CCDC13: variants seen among roughly 807,000 people sequenced by gnomAD.
CCDC13 encodes coiled-coil domain-containing protein 13.
Under a neutral mutation model 87.3 loss-of-function variants are expected in CCDC13, and 70 were observed. That is an observed-to-expected ratio of 0.80 (90% CI 0.66 to 0.98). CCDC13 has a LOEUF of 0.98. Among genes scored for constraint, CCDC13 ranks in the 50% least tolerant of loss-of-function variants. CCDC13 has a pLI of 0.00. For missense variants in CCDC13, 842 were observed against 892.0 expected (o/e 0.94, Z 0.71); for synonymous variants, 317 against 360.3 (o/e 0.88, Z 1.36).
chr3:42,710,402 G>C (rs1698282600), intron 14 of CCDC13, among the ~76,000 whole-genome samples: 1 of 152,162 alleles, frequency 6.6e-6, no homozygotes, highest in Admixed American at 6.5e-5. Flanking sequence ...CTGAGCCTGA[G>C]GTCTGGCCTG....
intron 1 of CCDC13, among the ~76,000 whole-genome samples, chr3:42,768,292 C>T (rs1343464271): frequency 2.6e-5 from 4 of 152,086 alleles, no homozygotes; most frequent in African/African-American, 9.7e-5. Context: ...TTGGGTTTGG[C>T]TATGAGTTTT....
intron 13 of CCDC13, among the ~76,000 whole-genome samples, chr3:42,716,874 T>G (rs1243117605): frequency 2.0e-5 from 3 of 152,228 alleles, no homozygotes; most frequent in African/African-American, 7.2e-5. Context: ...TACAGCAATG[T>G]TCTTGTAGCA....
chr3:42,754,282 A>G (rs1361194707), intron 3 of CCDC13, among the ~76,000 whole-genome samples: 4 of 152,158 alleles, frequency 2.6e-5, no homozygotes, highest in African/African-American at 9.7e-5. Context: ...AACTAGGAGT[A>G]GCTGCCCTTG....
At chr3:42,727,406 TA>T (rs1323527479) in intron 13 of CCDC13, among the ~76,000 whole-genome samples, 1 of 151,570 alleles carries the variant, frequency 6.6e-6, no homozygotes, top group Non-Finnish European at 1.5e-5. Context: ...AATAAATAAA[TA>T]AAATAAAAAT....
intron 1 of CCDC13, among the ~76,000 whole-genome samples, chr3:42,767,975 A>G (rs996392589): frequency 1.3e-4 from 18 of 141,594 alleles, no homozygotes; most frequent in African/African-American, 4.8e-4. Context: ...ACTCCATCTC[A>G]AAAAAAAAAA....
At chr3:42,760,118 C>T (rs2125911106) in intron 1 of CCDC13, among the ~76,000 whole-genome samples, 1 of 151,940 alleles carries the variant, frequency 6.6e-6, no homozygotes, top group Non-Finnish European at 1.5e-5. Flanking sequence ...ATGATGAAAC[C>T]CCATCTCTAC....
At chr3:42,761,051 A>G (rs1208706763) in intron 1 of CCDC13, among the ~76,000 whole-genome samples, 9 of 152,330 alleles carry the variant, frequency 5.9e-5, no homozygotes, top group East Asian at 5.8e-4. Context: ...TGAACTTCAC[A>G]TAAATGAAAT....
rs1002338420 is a variant in CCDC13 at position 42,708,886 on chromosome 3, T to G, written c.*94A>C. 1.2e-5 allele frequency: 16 copies of G among 1,360,772 alleles called. No homozygotes were observed. The African/African-American group carries it at 2.4e-4, about 20-fold the overall frequency. The allele number at this position is 1,360,772 out of a possible 1,614,324, so 84.3% of individuals were successfully genotyped here. A position where few individuals can be genotyped will look rare whatever the true frequency, so the allele number is the denominator to read the frequency against. ...AGTGGTTGAGCTGGCTGCCCTGGGC[T>G]GGCTTCCCGGAGCAGATGGAGTCCT... On this transcript the variant is annotated 3_prime_UTR_variant, in exon 16 of 16. Transcript: ENST00000310232.
chr3:42,739,970 C>T (rs1235314064), intron 8 of CCDC13, among the ~76,000 whole-genome samples, 160 bp from the exon 9 acceptor site: 1 of 152,108 alleles, frequency 6.6e-6, no homozygotes, highest in Non-Finnish European at 1.5e-5. Context: ...TGACTCCCAG[C>T]CCAGGCCTCT....
intron 12 of CCDC13, among the ~76,000 whole-genome samples, chr3:42,731,203 C>T (rs192836920): frequency 4.6e-5 from 7 of 152,118 alleles, no homozygotes; most frequent in South Asian, 2.1e-4. Flanking sequence ...AGCTGCTCTC[C>T]GCTGTGCCCC....
Position 42,709,745 on chromosome 3 carries a change from G to T in CCDC13, c.1927C>A (p.Pro643Thr). ...ACATCGGAGAGCTGGGCAAAGGATGGGTCCTTCTTCTCGCTCCCGGTTGGG... is the reference window on the plus strand; with the variant it reads ...ACATCGGAGAGCTGGGCAAAGGATGTGTCCTTCTTCTCGCTCCCGGTTGGG... ...HNPTGSEKKD[P>T]SFAQLSDVPV... The change falls in exon 15 of 16, where the codon CCA becomes ACA. Residue 643 changes from proline (P) to threonine (T), a missense_variant. Pro to Thr is a conservative substitution (Grantham distance 38). Transcript: ENST00000310232. 6.2e-7 allele frequency: 1 copy of T among 1,614,154 alleles called. No individual in the cohort carries two copies. Among genetic ancestry groups the T allele is most frequent in the East Asian group, 2.2e-5 (1 of 44,870 alleles).
downstream of CCDC13, among the ~76,000 whole-genome samples, chr3:42,705,530 G>A (rs1698157775): frequency 6.6e-6 from 1 of 152,164 alleles, no homozygotes; most frequent in Non-Finnish European, 1.5e-5. Flanking sequence ...GGCAGGGAGA[G>A]CCCTCACTTG....
intron 5 of CCDC13, among the ~76,000 whole-genome samples, chr3:42,748,653 A>G (rs1048604474): frequency 3.3e-5 from 5 of 152,220 alleles, no homozygotes; most frequent in Non-Finnish European, 5.9e-5. Context: ...CAAAGAAACT[A>G]GACATGAACA....
At chr3:42,741,357 C>T (rs1366873914) in intron 8 of CCDC13, among the ~76,000 whole-genome samples, 2 of 152,150 alleles carry the variant, frequency 1.3e-5, no homozygotes, top group Non-Finnish European at 2.9e-5. Context: ...TTCTGCCTTC[C>T]ATTCCTCTTC....
chr3:42,733,264 C>G lies in CCDC13; in HGVS notation c.1511+206G>C, dbSNP rs145478298. Among the ~76,000 whole-genome samples, 744 of 152,354 alleles carry G rather than the reference C, an allele frequency of 4.9e-3. 7 individuals carry two copies. The highest frequency in any genetic ancestry group is 0.017 in the African/African-American group (716 of 41,580). ...TACAGAGAGCTGCAACCAGCATGCTCTTGAAGTGATAAAATCTGGGCCTAA... is the reference window on the plus strand; with the variant it reads ...TACAGAGAGCTGCAACCAGCATGCTGTTGAAGTGATAAAATCTGGGCCTAA... On this transcript the variant is annotated intron_variant, in intron 11 of 15. Coordinates refer to ENST00000310232, the MANE Select transcript of CCDC13 (RefSeq NM_144719.4).
intron 1 of CCDC13, among the ~76,000 whole-genome samples, chr3:42,761,837 C>G (rs1699838708): frequency 6.6e-6 from 1 of 152,246 alleles, no homozygotes; most frequent in African/African-American, 2.4e-5. Context: ...ACCTCCTTCT[C>G]CCCCCAAGGC....
intron 14 of CCDC13, among the ~76,000 whole-genome samples, chr3:42,711,600 G>A (rs753347807): frequency 6.6e-6 from 1 of 152,182 alleles, no homozygotes; most frequent in Admixed American, 6.5e-5. Context: ...TCCAAGCACC[G>A]ACACTTGTCT....
chr3:42,724,311 G>A (rs891793500), intron 13 of CCDC13, among the ~76,000 whole-genome samples: 1 of 152,166 alleles, frequency 6.6e-6, no homozygotes, highest in Non-Finnish European at 1.5e-5. Flanking sequence ...ATACCCGGGG[G>A]TCACCCTTGC....
chr3:42,725,735 C>T (rs1051042684), intron 13 of CCDC13, among the ~76,000 whole-genome samples: 7 of 151,926 alleles, frequency 4.6e-5, no homozygotes, highest in African/African-American at 7.3e-5. Context: ...AATCAGAGAC[C>T]ACTGAAACCC....
Sources: gnomAD v4.1 joint callset for allele counts (sites outside exome capture counted in the v4.1 genomes callset) on GRCh38, gnomAD v4.1.1 for gene constraint, MANE v1.5 for transcripts, NCBI Gene and HGNC (gene_info 2026-07-23, HGNC 2026-07-21) for gene names.